MED31: variants seen among roughly 807,000 people sequenced by gnomAD.
MED31 encodes mediator of RNA polymerase II transcription subunit 31.
A neutral mutation model predicts 22.0 loss-of-function variants in MED31; 11 were observed. That is an observed-to-expected ratio of 0.50 (90% CI 0.31 to 0.83). The LOEUF is 0.83. Ranked by LOEUF, MED31 falls within the 40% of genes least tolerant of loss-of-function variation. The pLI is 0.04. For synonymous variants in MED31, 60 were observed against 55.1 expected (o/e 1.09, Z -0.40); for missense variants, 122 against 155.3 (o/e 0.79, Z 1.14).
intron 1 of MED31, 47 bp from the exon 2 acceptor site, chr17:6,650,480 T>C: frequency 6.5e-7 from 1 of 1,544,340 alleles, no homozygotes; most frequent in Non-Finnish European, 8.9e-7. Flanking sequence ...GGTCACTGTA[T>C]ATAATACTGA....
At chr17:6,648,582 T>G (rs2150948986) in intron 3 of MED31, among the ~76,000 whole-genome samples, 1 of 152,306 alleles carries the variant, frequency 6.6e-6, no homozygotes, top group South Asian at 2.1e-4. Flanking sequence ...CTTTAAATGT[T>G]GGCAAGTATT....
chr17:6,648,781 T>C (rs1161104242), intron 3 of MED31, among the ~76,000 whole-genome samples: 1 of 152,190 alleles, frequency 6.6e-6, no homozygotes, highest in Non-Finnish European at 1.5e-5. Context: ...GGAAGAACTT[T>C]CTAATATCTG....
intron 2 of MED31, 100 bp from the exon 3 acceptor site, chr17:6,650,178 C>G: frequency 8.0e-7 from 1 of 1,256,896 alleles, no homozygotes; most frequent in Non-Finnish European, 1.1e-6. Flanking sequence ...ACACCCCCAC[C>G]ACCAACACAC....
chr17:6,644,962 T>C (rs2150947703), intron 3 of MED31, among the ~76,000 whole-genome samples: 1 of 152,348 alleles, frequency 6.6e-6, no homozygotes, highest in East Asian at 1.9e-4. Flanking sequence ...TTCTAGCGGT[T>C]TCCAACGTGA....
At chr17:6,650,272 A>C in intron 2 of MED31, 84 bp downstream of exon 2, 1 of 1,408,350 alleles carries the variant, frequency 7.1e-7, no homozygotes, top group Non-Finnish European at 1.0e-6. Context: ...AGAATGTGTA[A>C]AAGTAGATAC....
chr17:6,646,679 G>A (rs557404834), intron 3 of MED31, among the ~76,000 whole-genome samples: 10 of 152,240 alleles, frequency 6.6e-5, no homozygotes, highest in Non-Finnish European at 1.5e-4. Flanking sequence ...GCGGAAGGCC[G>A]CAGGGACCCC....
chr17:6,644,191 T>A lies in MED31; in HGVS notation c.*276A>T. The A allele has an allele frequency of 2.1e-6, 1 of 474,370 alleles. No individual in the cohort carries two copies. The highest frequency in any genetic ancestry group is 3.7e-6 in the Non-Finnish European group (1 of 273,290). 29.4% of individuals were successfully genotyped at this position (474,370 alleles called of 1,614,324 possible). ...CCCCATGCCCCAGTGCCTTATTTGG[T>A]CTAAAGCACCTAACTTTTCCATTCT... On this transcript the variant is annotated 3_prime_UTR_variant, in exon 4 of 4. Coordinates refer to ENST00000225728, the MANE Select transcript of MED31 (RefSeq NM_016060.3).
At chr17:6,645,694 A>G (rs1972758418) in intron 3 of MED31, among the ~76,000 whole-genome samples, 1 of 152,246 alleles carries the variant, frequency 6.6e-6, no homozygotes, top group South Asian at 2.1e-4. Context: ...CACTAAATGG[A>G]TGTAAATTTC....
intron 3 of MED31, among the ~76,000 whole-genome samples, chr17:6,645,350 C>CAT (rs1183613863): frequency 5.3e-5 from 8 of 151,958 alleles, no homozygotes; most frequent in Admixed American, 2.6e-4. Flanking sequence ...CACATACATA[C>CAT]ATATATATAT....
intron 3 of MED31, among the ~76,000 whole-genome samples, chr17:6,645,486 T>A (rs1265091754): frequency 6.6e-6 from 1 of 152,076 alleles, no homozygotes; most frequent in Non-Finnish European, 1.5e-5. Flanking sequence ...GATTCAGGGA[T>A]AAGACAGGAA....
intron 3 of MED31, among the ~76,000 whole-genome samples, chr17:6,645,659 CTAAAAA>C (rs1972757599): frequency 1.3e-5 from 2 of 152,096 alleles, no homozygotes; most frequent in African/African-American, 2.4e-5. Context: ...CATAATTCTA[CTAAAAA>C]TAAGAATCCA....
chr17:6,644,495 T>C lies in MED31; in HGVS notation c.368A>G (p.Gln123Arg). The change falls in exon 4 of 4, where the codon CAA becomes CGA. Residue 123 changes from glutamine to arginine, a missense_variant. Coordinates refer to ENST00000225728, the MANE Select transcript of MED31 (RefSeq NM_016060.3). ...TTTTCCCGATGTGTTATTTTGCTGT[T>C]GCTGCTCTGCCAAGGCTTGCTGAAG... Reference protein sequence around the residue: ...MRLQQALAEQQQQNNTSGK With the variant: ...MRLQQALAEQRQQNNTSGK 6.2e-7 allele frequency: 1 copy of C among 1,605,958 alleles called. No individual in the cohort carries two copies. The highest frequency in any genetic ancestry group is 8.5e-7 in the Non-Finnish European group (1 of 1,177,310).
chr17:6,644,546 T>C lies in MED31; in HGVS notation c.317A>G (p.Gln106Arg). ...FIDEQQILHW[Q>R]HYSRKRMRLQ... ...GCGCATCCGCTTCCGGGAATAGTGCTGCCAATGTAGAATCTGCTGTTCATC... is the reference window on the plus strand; with the variant it reads ...GCGCATCCGCTTCCGGGAATAGTGCCGCCAATGTAGAATCTGCTGTTCATC... Residue 106 changes from glutamine to arginine, a missense_variant, in exon 4 of 4, where the codon CAG (glutamine) becomes CGG (arginine). By Grantham distance (43) the Gln-to-Arg change is conservative. Transcript: ENST00000225728. 6.2e-7 allele frequency: 1 copy of C among 1,613,986 alleles called. No individual in the cohort carries two copies. Among genetic ancestry groups the C allele is most frequent in the Non-Finnish European group, 8.5e-7 (1 of 1,180,008 alleles).
chr17:6,647,036 T>A (rs1402008571), intron 3 of MED31, among the ~76,000 whole-genome samples: 1 of 152,218 alleles, frequency 6.6e-6, no homozygotes, highest in Non-Finnish European at 1.5e-5. Flanking sequence ...AAGTGAAACA[T>A]AAATCTAGCC....
intron 3 of MED31, among the ~76,000 whole-genome samples, chr17:6,647,233 A>T (rs1446741201): frequency 6.6e-6 from 1 of 152,188 alleles, no homozygotes; most frequent in Non-Finnish European, 1.5e-5. Context: ...GGGTCCTCGC[A>T]TGCTGAGTGT....
At position 6,644,590 on chromosome 17, in the gene MED31, A is replaced by C. The variant is rs1416897950; in HGVS notation, c.273T>G (p.Ala91=). The C allele has an allele frequency of 1.2e-6, 2 of 1,613,556 alleles. No homozygotes were observed. The highest frequency in any genetic ancestry group is 2.2e-5 in the South Asian group (2 of 90,916). The stretch of plus-strand genomic sequence containing the variant: ...GTTCATCAATAAATTTCGCACACTG[A>C]GCATTCACCAGCTCCTTTCGGAAGT... ...YEHFRKELVN[A]QCAKFIDEQQ... The change falls in exon 4 of 4, where the codon GCT becomes GCG. Residue 91 remains alanine, a synonymous_variant. Coordinates refer to ENST00000225728, the MANE Select transcript of MED31 (RefSeq NM_016060.3).
intron 3 of MED31, among the ~76,000 whole-genome samples, chr17:6,646,411 G>T (rs1360607200): frequency 1.3e-5 from 2 of 152,178 alleles, no homozygotes; most frequent in African/African-American, 4.8e-5. Flanking sequence ...GATTGTTCCT[G>T]TGTCTACGTA....
At chr17:6,645,234 G>C (rs1031612773) in intron 3 of MED31, among the ~76,000 whole-genome samples, 7 of 152,218 alleles carry the variant, frequency 4.6e-5, no homozygotes, top group Non-Finnish European at 7.3e-5. Flanking sequence ...AAGGAAAAAG[G>C]CTAGAATGAA....
rs1273031478 is a variant in MED31, at chr17:6,643,737, A to T, written c.*730T>A. 1 of 175,304 alleles carries T rather than the reference A, an allele frequency of 5.7e-6. No homozygotes were observed. The highest frequency in any genetic ancestry group is 2.4e-5 in the African/African-American group (1 of 42,458). 10.9% of individuals were successfully genotyped at this position (175,304 alleles called of 1,614,324 possible). A position where few individuals can be genotyped will look rare whatever the true frequency, so the allele number is the denominator to read the frequency against. ...ACAAGGTTCTTAGAATAAAATGAGAATTCAAGGAAGCACTTAACATAGCAC... is the reference window on the plus strand; with the variant it reads ...ACAAGGTTCTTAGAATAAAATGAGATTTCAAGGAAGCACTTAACATAGCAC... On this transcript the variant is annotated 3_prime_UTR_variant, in exon 4 of 4. Coordinates refer to ENST00000225728, the MANE Select transcript of MED31 (RefSeq NM_016060.3).
Sources: allele counts gnomAD v4.1 joint callset (sites outside exome capture counted in the v4.1 genomes callset), GRCh38; gene constraint gnomAD v4.1.1; transcripts MANE v1.5; gene names NCBI Gene and HGNC (gene_info 2026-07-23, HGNC 2026-07-21).